The following AMPD3 variants were observed in gnomAD, a reference collection of about 807,000 sequenced individuals.
AMPD3 encodes the protein adenosine monophosphate deaminase 3.
A neutral mutation model predicts 82.3 loss-of-function variants in AMPD3; 57 were observed. The observed-to-expected ratio is 0.69, with a 90% CI of 0.56 to 0.86. The LOEUF (loss-of-function observed/expected upper bound fraction) is 0.86, where lower values mean the gene tolerates loss of function less well. Ranked by LOEUF, AMPD3 falls within the 40% of genes least tolerant of loss-of-function variation. The pLI is 0.00. For missense variants in AMPD3, 870 were observed against 1,003.8 expected (o/e 0.87, Z 1.80); for synonymous variants, 381 against 394.7 (o/e 0.97, Z 0.41).
chr11:10,496,431 C>A, intron 9 of AMPD3: 2 of 985,352 alleles, frequency 2.0e-6, no homozygotes, highest in Non-Finnish European at 2.4e-6. Flanking sequence ...GGGTGGAGCC[C>A]ATGGCTCCAG....
At chr11:10,496,269 A>T (rs1197385112) in intron 9 of AMPD3, 2 of 985,246 alleles carry the variant, frequency 2.0e-6, no homozygotes, top group Non-Finnish European at 2.4e-6. Flanking sequence ...CCTTGGGGGA[A>T]CTACTACCCC....
intron 1 of AMPD3, among the ~76,000 whole-genome samples, chr11:10,460,720 A>G (rs1015231420): frequency 6.6e-6 from 1 of 152,294 alleles, no homozygotes; most frequent in South Asian, 2.1e-4. Context: ...GAGTGTACAT[A>G]TTAAGTGCTA....
At chr11:10,468,965 C>G (rs142385800) in intron 2 of AMPD3, among the ~76,000 whole-genome samples, 1 of 152,160 alleles carries the variant, frequency 6.6e-6, no homozygotes, top group East Asian at 1.9e-4. Context: ...ACACAACGTA[C>G]CAGAATCTCT....
rs144573848 is a variant in AMPD3 at position 10,476,841 on chromosome 11, A to G, written c.222-1685A>G. On this transcript the variant is annotated intron_variant, in intron 2 of 14. Coordinates refer to ENST00000396553, the MANE Select transcript of AMPD3 (RefSeq NM_001025389.2). ...AGGATGCTTGGCTGAGCTCCATTTGATGGAGGACAGACCAGAGAAAGCTGA... is the reference window on the plus strand; with the variant it reads ...AGGATGCTTGGCTGAGCTCCATTTGGTGGAGGACAGACCAGAGAAAGCTGA... 226 of 885,874 alleles carry G rather than the reference A, an allele frequency of 2.6e-4. 5 individuals are homozygous for G. In the East Asian group the frequency reaches 0.019, roughly 75 times the overall value. 54.9% of individuals were successfully genotyped at this position (885,874 alleles called of 1,614,324 possible). A position where few individuals can be genotyped will look rare whatever the true frequency, so the allele number is the denominator to read the frequency against.
At chr11:10,504,126 CTATCTATCTATCTATCTATCTATT>C (rs1839889449) in intron 13 of AMPD3, 1 of 185,272 alleles carries the variant, frequency 5.4e-6, no homozygotes, top group Non-Finnish European at 7.3e-6. Flanking sequence ...ATCTATCTAT[CTATCTATCTATCTATCTATCTATT>C]TATCTATCTA....
intron 2 of AMPD3, among the ~76,000 whole-genome samples, chr11:10,463,674 G>C (rs894127080): frequency 3.9e-5 from 6 of 152,214 alleles, no homozygotes; most frequent in African/African-American, 1.2e-4. Flanking sequence ...CTGCTGAAGC[G>C]ACTGTGCTCT....
chr11:10,487,185 G>T (rs1159051141), intron 5 of AMPD3, 50 bp from the exon 6 acceptor site: 1 of 1,612,114 alleles, frequency 6.2e-7, no homozygotes, highest in Non-Finnish European at 8.5e-7. Context: ...CTCCAAACTG[G>T]AGAGCTCGAT....
intron 5 of AMPD3, among the ~76,000 whole-genome samples, chr11:10,485,965 C>G (rs1235716942): frequency 6.6e-6 from 1 of 151,676 alleles, no homozygotes; most frequent in African/African-American, 2.4e-5. Context: ...CTCCTGAGGA[C>G]CTTCTCTCTT....
At chr11:10,453,169 C>T (rs1481927581), upstream of AMPD3, among the ~76,000 whole-genome samples, 1 of 152,144 alleles carries the variant, frequency 6.6e-6, no homozygotes, top group Non-Finnish European at 1.5e-5. Context: ...AGGCTGGTCT[C>T]AAAACTCCTG....
At chr11:10,482,640 T>C (rs1015999641) in intron 4 of AMPD3, among the ~76,000 whole-genome samples, 1 of 151,870 alleles carries the variant, frequency 6.6e-6, no homozygotes, top group Non-Finnish European at 1.5e-5. Flanking sequence ...GCCTCTCAAG[T>C]AGCTGGGATC....
At position 10,495,180 on chromosome 11, in the gene AMPD3, T is replaced by C. The variant is rs1191844062; in HGVS notation, c.1266+150T>C. On this transcript the variant is annotated intron_variant, in intron 8 of 14. Coordinates refer to ENST00000396553, the MANE Select transcript of AMPD3 (RefSeq NM_001025389.2). ...GGTGAGGTGCCCAGGTGCCCAGTGC[T>C]GTGGTCTGGCTGCCTGCTCCAGGCA... The C allele has an allele frequency of 3.8e-6, 6 of 1,583,522 alleles. No homozygotes were observed. In the Admixed American group the frequency reaches 7.0e-5, roughly 19 times the overall value.
At chr11:10,501,631 C>G in intron 12 of AMPD3, 41 bp downstream of exon 12, 2 of 1,613,938 alleles carry the variant, frequency 1.2e-6, no homozygotes, top group Non-Finnish European at 1.7e-6. Context: ...GAGTGACTGC[C>G]CTGCCCTGGG....
Position 10,487,257 on chromosome 11 carries a change from C to T in AMPD3, c.832C>T (p.Leu278=), listed in dbSNP as rs1299486176. The change falls in exon 6 of 15, where the codon CTG becomes TTG. Residue 278 remains leucine (L), a synonymous_variant. Coordinates refer to ENST00000396553, the MANE Select transcript of AMPD3 (RefSeq NM_001025389.2). Reference sequence around the variant, plus strand: ...CAGGAAAACCTATTGTCACCGGCGACTGAACTTTCTGGAATCCAAGTTCAG... The same window carrying T: ...CAGGAAAACCTATTGTCACCGGCGATTGAACTTTCTGGAATCCAAGTTCAG... ...GPTKTYCHRR[L]NFLESKFSLH... The T allele has an allele frequency of 6.2e-7, 1 of 1,614,080 alleles. No individual in the cohort carries two copies. Among genetic ancestry groups the T allele is most frequent in the African/African-American group, 1.3e-5 (1 of 74,934 alleles).
At chr11:10,503,442 A>G (rs1591488722) in intron 13 of AMPD3, among the ~76,000 whole-genome samples, 1 of 152,204 alleles carries the variant, frequency 6.6e-6, no homozygotes, top group Non-Finnish European at 1.5e-5. Flanking sequence ...TGTCGACAAG[A>G]CCAGCCATTG....
chr11:10,489,848 T>C (rs1485257491), intron 6 of AMPD3, among the ~76,000 whole-genome samples: 2 of 152,104 alleles, frequency 1.3e-5, no homozygotes. Flanking sequence ...TCCTGGCTAA[T>C]TTTTGTATTT....
intron 12 of AMPD3, 196 bp from the exon 13 acceptor site, chr11:10,502,525 A>T (rs1849607608): frequency 9.1e-6 from 9 of 985,326 alleles, no homozygotes; most frequent in Non-Finnish European, 8.4e-6. Flanking sequence ...GCAATGTAGG[A>T]ATGAGATGAA....
At chr11:10,480,377 C>T (rs138887159) in intron 3 of AMPD3, among the ~76,000 whole-genome samples, 114 of 152,238 alleles carry the variant, frequency 7.5e-4, no homozygotes, top group African/African-American at 2.6e-3. Context: ...TCTAGGATGT[C>T]GGTGTCTGCT....
At chr11:10,500,048 C>T (rs1591485208) in intron 10 of AMPD3, 38 bp from the exon 11 acceptor site, 2 of 1,613,586 alleles carry the variant, frequency 1.2e-6, no homozygotes, top group Non-Finnish European at 1.7e-6. Context: ...GAGTCCTGGT[C>T]CTGCCTTGGC....
intron 3 of AMPD3, chr11:10,481,844 G>A (rs1848916637): frequency 1.7e-6 from 1 of 605,698 alleles, no homozygotes; most frequent in East Asian, 3.0e-5. Flanking sequence ...CAAATTCCAG[G>A]CTCCAGAAGG....
Sources: allele counts gnomAD v4.1 joint callset (sites outside exome capture counted in the v4.1 genomes callset), GRCh38; gene constraint gnomAD v4.1.1; transcripts MANE v1.5; gene names NCBI Gene and HGNC (gene_info 2026-07-23, HGNC 2026-07-21).